Variants in IRAK2 observed in about 807,000 individuals in gnomAD.
IRAK2 encodes interleukin-1 receptor-associated kinase-like 2.
Under a neutral mutation model 72.0 loss-of-function variants are expected in IRAK2, and 57 were observed. That is an observed-to-expected ratio of 0.79 (90% CI 0.64 to 0.99). The LOEUF (loss-of-function observed/expected upper bound fraction) is 0.99, where lower values mean the gene tolerates loss of function less well. Ranked by LOEUF, IRAK2 falls within the 50% of genes least tolerant of loss-of-function variation. The probability of loss-of-function intolerance (pLI) is 0.00; values close to 1 mark genes in which losing one functional copy is unlikely to be tolerated. For missense variants in IRAK2, 790 were observed against 794.4 expected, an observed-to-expected ratio of 0.99 and a Z score of 0.07; for synonymous variants, 293 against 312.7, an observed-to-expected ratio of 0.94 and a Z score of 0.67.
At chr3:10,169,314 T>C (rs1044320260) in intron 1 of IRAK2, among the ~76,000 whole-genome samples, 1 of 152,168 alleles carries the variant, frequency 6.6e-6, no homozygotes, top group African/African-American at 2.4e-5. Flanking sequence ...CTGACTAGAA[T>C]TCACCAGGCT....
intron 1 of IRAK2, among the ~76,000 whole-genome samples, chr3:10,167,517 C>T (rs1387247236): frequency 1.3e-5 from 2 of 151,960 alleles, no homozygotes; most frequent in East Asian, 1.9e-4. Context: ...TGGGTTCATG[C>T]CATTCTCCTG....
intron 10 of IRAK2, among the ~76,000 whole-genome samples, chr3:10,233,216 A>C (rs1000427419): frequency 6.6e-6 from 1 of 151,920 alleles, no homozygotes; most frequent in Non-Finnish European, 1.5e-5. Flanking sequence ...TGCCCGGCTA[A>C]TTTTTTGTAT....
At chr3:10,194,240 C>T (rs939959140) in intron 2 of IRAK2, among the ~76,000 whole-genome samples, 7 of 138,664 alleles carry the variant, frequency 5.0e-5, no homozygotes, top group African/African-American at 2.4e-4. Flanking sequence ...GGGTCTGGCT[C>T]AAGCCAGAGC....
At position 10,183,062 on chromosome 3, in the gene IRAK2, G is replaced by A. The variant is rs192447207; in HGVS notation, c.277+5042G>A. On this transcript the variant is annotated intron_variant, in intron 2 of 12. Transcript: ENST00000256458. ...GCCAGGATTACAGCCGTGAGCCACC[G>A]CGCCTGGCTGGATGCCCACCACCTC... Among the ~76,000 whole-genome samples the A allele has an allele frequency of 7.9e-5, 12 of 152,258 alleles. 1 individual carries two copies. Among genetic ancestry groups the A allele is most frequent in the Admixed American group, 7.2e-4 (11 of 15,294 alleles).
At chr3:10,181,456 A>G (rs1041418944) in intron 2 of IRAK2, among the ~76,000 whole-genome samples, 1 of 152,006 alleles carries the variant, frequency 6.6e-6, no homozygotes, top group Non-Finnish European at 1.5e-5. Flanking sequence ...CTAAAAATAC[A>G]AAAAAATTAG....
chr3:10,180,696 A>C (rs879531711), intron 2 of IRAK2, among the ~76,000 whole-genome samples: 1 of 152,040 alleles, frequency 6.6e-6, no homozygotes, highest in Non-Finnish European at 1.5e-5. Context: ...GAGGGCTTCC[A>C]GGAGGGGGGA....
chr3:10,236,118 A>G (rs1167747663), intron 11 of IRAK2, among the ~76,000 whole-genome samples: 1 of 151,984 alleles, frequency 6.6e-6, no homozygotes, highest in Non-Finnish European at 1.5e-5. Context: ...CTTCCTGAGG[A>G]AGGGGGGTTT....
intron 2 of IRAK2, among the ~76,000 whole-genome samples, chr3:10,196,994 A>T (rs1029999326): frequency 6.6e-6 from 1 of 152,110 alleles, no homozygotes; most frequent in African/African-American, 2.4e-5. Flanking sequence ...GATTTTTTTT[A>T]AAAGAAGTAT....
chr3:10,169,996 G>A (rs1224448559), intron 1 of IRAK2, among the ~76,000 whole-genome samples: 6 of 152,120 alleles, frequency 3.9e-5, no homozygotes, highest in African/African-American at 9.7e-5. Flanking sequence ...GGTCCTGTTC[G>A]GGGCCCCTGA....
At position 10,209,669 on chromosome 3, in the gene IRAK2, C is replaced by T; in HGVS notation, c.505C>T (p.Leu169Phe). The change falls in exon 4 of 13, where the codon CTC becomes TTC. Residue 169 changes from leucine (L) to phenylalanine (F), a missense_variant. Coordinates refer to ENST00000256458, the MANE Select transcript of IRAK2 (RefSeq NM_001570.4). ...EDAPHSLRSD[L>F]PTSSDSKDFS... The stretch of plus-strand genomic sequence containing the variant: ...TGCCCCTCATTCCTTGAGAAGCGAC[C>T]TCCCCACTTCGTCTGATTCAAAGGT... The T allele has an allele frequency of 6.5e-7, 1 of 1,543,794 alleles. No individual in the cohort carries two copies. Among genetic ancestry groups the T allele is most frequent in the Non-Finnish European group, 8.7e-7 (1 of 1,147,378 alleles).
intron 10 of IRAK2, among the ~76,000 whole-genome samples, chr3:10,231,601 C>T (rs1697862626): frequency 6.6e-6 from 1 of 151,666 alleles, no homozygotes. Flanking sequence ...CCAAAAGTTG[C>T]TTTTTAAGGG....
At position 10,227,874 on chromosome 3, in the gene IRAK2, TTAGCCAGGATGGTCTCAATC is replaced by T. The variant is rs201930894; in HGVS notation, c.1272+1443_1272+1462del. Among the ~76,000 whole-genome samples, 743 of 152,108 alleles carry T rather than the reference TTAGCCAGGATGGTCTCAATC, an allele frequency of 4.9e-3. 8 individuals carry two copies. The highest frequency in any genetic ancestry group is 0.034 in the South Asian group (163 of 4,806). ...TTAGTAGAGATGGGGTTTCACTGTG[TTAGCCAGGATGGTCTCAATC>T]TCCTGACCTCGTGATCCGCCCGCCT... is the stretch of plus-strand genomic sequence containing the variant. On this transcript the variant is annotated intron_variant, in intron 10 of 12. Transcript: ENST00000256458.
intron 2 of IRAK2, among the ~76,000 whole-genome samples, chr3:10,198,091 C>T (rs528981976): frequency 1.0e-3 from 153 of 151,980 alleles, no homozygotes; most frequent in Non-Finnish European, 1.7e-3. Flanking sequence ...CCCAGCTACA[C>T]GGGAGGCTGA....
intron 2 of IRAK2, among the ~76,000 whole-genome samples, chr3:10,179,217 C>T (rs1412939586): frequency 6.6e-6 from 1 of 151,524 alleles, no homozygotes; most frequent in Non-Finnish European, 1.5e-5. Context: ...GACAGATGCT[C>T]TATGATTTGT....
intron 2 of IRAK2, among the ~76,000 whole-genome samples, chr3:10,194,983 C>T (rs1046415536): frequency 3.9e-5 from 6 of 152,060 alleles, no homozygotes; most frequent in Admixed American, 2.0e-4. Flanking sequence ...TCACAGGTAG[C>T]CCTGCCGACA....
At chr3:10,210,831 G>A (rs1340942409) in intron 4 of IRAK2, among the ~76,000 whole-genome samples, 2 of 152,174 alleles carry the variant, frequency 1.3e-5, no homozygotes, top group Non-Finnish European at 2.9e-5. Flanking sequence ...GGGCAACAGT[G>A]TGAGATCCTG....
In IRAK2 at chr3:10,234,553, A is replaced by T; in HGVS notation, c.1367A>T (p.Gln456Leu). The T allele has an allele frequency of 1.2e-6, 2 of 1,614,146 alleles. No homozygotes were observed. The highest frequency in any genetic ancestry group is 8.5e-7 in the Non-Finnish European group (1 of 1,180,042). ...AACGTGATGGCAAAGGAGATCTGCC[A>T]GAAGTACCTGGAGAAGGGCGCAGGG... The part of the protein sequence containing the change: ...VENVMAKEIC[Q>L]KYLEKGAGRL... The change falls in exon 11 of 13, where the codon CAG becomes CTG. Residue 456 changes from glutamine to leucine, a missense_variant. Coordinates refer to ENST00000256458, the MANE Select transcript of IRAK2 (RefSeq NM_001570.4).
At chr3:10,186,476 G>A (rs1042054732) in intron 2 of IRAK2, among the ~76,000 whole-genome samples, 1 of 151,586 alleles carries the variant, frequency 6.6e-6, no homozygotes, top group Non-Finnish European at 1.5e-5. Context: ...GCTTAGCCTC[G>A]CCTCCTCACC....
At position 10,238,788 on chromosome 3, in the gene IRAK2, G is replaced by A; in HGVS notation, c.1514G>A (p.Gly505Asp). 1 of 1,614,180 alleles carries A rather than the reference G, an allele frequency of 6.2e-7. No homozygotes were observed. The highest frequency in any genetic ancestry group is 1.1e-5 in the South Asian group (1 of 91,084). ...SVAAVEERLRGRETLLPWSGL... is the reference protein window; with the variant it reads ...SVAAVEERLRDRETLLPWSGL... ...GCTGCTGTGGAAGAGCGGCTCCGAG[G>A]TCGGGAGACGTTGCTCCCTTGGAGT... Residue 505 changes from glycine (G) to aspartate (D), a missense_variant, in exon 12 of 13, where the codon GGT becomes GAT. Physicochemically the swap from Gly to Asp is moderately conservative, Grantham distance 94. Coordinates refer to ENST00000256458, the MANE Select transcript of IRAK2 (RefSeq NM_001570.4).
Sources: gnomAD v4.1 joint callset for allele counts (sites outside exome capture counted in the v4.1 genomes callset) on GRCh38, gnomAD v4.1.1 for gene constraint, MANE v1.5 for transcripts, NCBI Gene and HGNC (gene_info 2026-07-23, HGNC 2026-07-21) for gene names.